RBM46: variants seen among roughly 807,000 people sequenced by gnomAD.
RBM46 encodes the protein RNA binding motif protein 46.
Under a neutral mutation model 43.3 loss-of-function variants are expected in RBM46, and 12 were observed. The observed-to-expected ratio is 0.28, with a 90% confidence interval of 0.18 to 0.45. The LOEUF is 0.45. Among genes scored for constraint, RBM46 ranks in the 20% least tolerant of loss-of-function variants. The pLI, the probability that RBM46 is intolerant of heterozygous loss-of-function variation, is 1.00. For synonymous variants in RBM46, 205 were observed against 207.6 expected, an observed-to-expected ratio of 0.99 and a Z score of 0.11; for missense variants, 412 against 639.1, an observed-to-expected ratio of 0.64 and a Z score of 3.83.
At chr4:154,803,815 A>G (rs1300484615) in intron 4 of RBM46, among the ~76,000 whole-genome samples, 1 of 150,546 alleles carries the variant, frequency 6.6e-6, no homozygotes, top group East Asian at 2.0e-4. Flanking sequence ...ATCCTGATAT[A>G]GTTTGGACAT....
chr4:154,798,293 T>C lies in RBM46; in HGVS notation c.619+15T>C. ...ACTAATTCCAGGTAAACTGAAAGGT[T>C]GTTTTTCAATATTAACATTATTACA... On this transcript the variant is annotated intron_variant, in intron 3 of 4. Coordinates refer to ENST00000281722, the MANE Select transcript of RBM46 (RefSeq NM_144979.5). 6.7e-7 allele frequency: 1 copy of C among 1,482,782 alleles called. No individual in the cohort carries two copies. The highest frequency in any genetic ancestry group is 9.1e-7 in the Non-Finnish European group (1 of 1,093,940). The allele number at this position is 1,482,782 out of a possible 1,614,324, so 91.9% of individuals were successfully genotyped here. A position where few individuals can be genotyped will look rare whatever the true frequency, so the allele number is the denominator to read the frequency against.
intron 4 of RBM46, among the ~76,000 whole-genome samples, chr4:154,802,045 C>T (rs1734662449): frequency 6.6e-6 from 1 of 152,040 alleles, no homozygotes; most frequent in South Asian, 2.1e-4. Context: ...TATTCAGGCT[C>T]AGAACAGTTA....
At chr4:154,794,472 A>G (rs1184293779) in intron 1 of RBM46, among the ~76,000 whole-genome samples, 1 of 152,066 alleles carries the variant, frequency 6.6e-6, no homozygotes, top group Non-Finnish European at 1.5e-5. Context: ...AAGTGGTCTC[A>G]CTGCTTCCAC....
intron 3 of RBM46, 128 bp from the exon 4 acceptor site, chr4:154,798,650 GAAAC>G: frequency 1.5e-6 from 1 of 686,146 alleles, no homozygotes; most frequent in South Asian, 3.9e-5. Flanking sequence ...GTGTGAATAG[GAAAC>G]AAATGCTTAA....
intron 4 of RBM46, among the ~76,000 whole-genome samples, chr4:154,810,971 T>C (rs1323009176): frequency 6.6e-6 from 1 of 152,234 alleles, no homozygotes; most frequent in Non-Finnish European, 1.5e-5. Context: ...TGTTAAATCT[T>C]GTTAAAATGT....
At position 154,827,990 on chromosome 4, in the gene RBM46, TCA is replaced by T; in HGVS notation, c.1527_1528del (p.Pro510AsnfsTer6). ...TTATTCTTATCCAGGCTATCCTTTG[TCA>T]CCAACAATATCACTTGCTAATGGCA... is the stretch of plus-strand genomic sequence containing the variant. ...RPYSYPGYPL[S>X]PTISLANGSH... On this transcript the variant is annotated frameshift_variant, in exon 5 of 5. Transcript: ENST00000281722. LOFTEE classifies it high-confidence loss of function. The T allele has an allele frequency of 6.2e-7, 1 of 1,614,028 alleles. No individual in the cohort carries two copies.
intron 4 of RBM46, 89 bp downstream of exon 4, chr4:154,799,653 A>ATTAG (rs1734522879): frequency 1.1e-6 from 1 of 890,234 alleles, no homozygotes; most frequent in African/African-American, 1.7e-5. Context: ...TGAACTCAAC[A>ATTAG]TTAGTGGTAA....
intron 4 of RBM46, among the ~76,000 whole-genome samples, chr4:154,811,258 G>A (rs1316154380): frequency 6.6e-6 from 1 of 152,124 alleles, no homozygotes; most frequent in Non-Finnish European, 1.5e-5. Flanking sequence ...ATAGCATATA[G>A]GCAACACAGG....
Position 154,798,123 on chromosome 4 carries a change from A to G in RBM46, c.464A>G (p.Glu155Gly), listed in dbSNP as rs1313166746. The change falls in exon 3 of 5, where the codon GAA becomes GGA. Residue 155 changes from glutamate (E) to glycine (G), a missense_variant. This residue lies in a region of RBM46 where 48 missense variants were observed against 78.9 expected (regional missense o/e 0.61). Coordinates refer to ENST00000281722, the MANE Select transcript of RBM46 (RefSeq NM_144979.5). ...IGAIPKEKKK[E>G]EILDEMKKVT... is the part of the protein sequence containing the mutation. ...GCTATTCCCAAGGAAAAGAAGAAAG[A>G]AGAAATTTTAGATGAAATGAAGAAA... 1 of 1,613,970 alleles carries G rather than the reference A, an allele frequency of 6.2e-7. No individual in the cohort carries two copies. The highest frequency in any genetic ancestry group is 8.5e-7 in the Non-Finnish European group (1 of 1,179,886).
At chr4:154,819,874 G>A (rs1282187016) in intron 4 of RBM46, among the ~76,000 whole-genome samples, 2 of 152,018 alleles carry the variant, frequency 1.3e-5, no homozygotes, top group Non-Finnish European at 2.9e-5. Flanking sequence ...TTTAGCTGTT[G>A]GGAAGAAAGA....
intron 4 of RBM46, among the ~76,000 whole-genome samples, chr4:154,805,323 T>C (rs2111161651): frequency 6.6e-6 from 1 of 152,268 alleles, no homozygotes; most frequent in East Asian, 1.9e-4. Context: ...TCTTGATTTG[T>C]GTGGACCATT....
chr4:154,782,374 C>G (rs1022205430), intron 1 of RBM46, among the ~76,000 whole-genome samples: 1 of 152,192 alleles, frequency 6.6e-6, no homozygotes, highest in Non-Finnish European at 1.5e-5. Flanking sequence ...GTTCTTTAAG[C>G]TTTAACTGTC....
chr4:154,805,658 T>A (rs1005565362), intron 4 of RBM46, among the ~76,000 whole-genome samples: 2 of 151,984 alleles, frequency 1.3e-5, no homozygotes, highest in African/African-American at 4.8e-5. Flanking sequence ...TTTTTTCTTA[T>A]GAGCTATTAT....
chr4:154,827,246 T>C (rs1736010926), intron 4 of RBM46: 1 of 923,744 alleles, frequency 1.1e-6, no homozygotes, highest in Middle Eastern at 5.6e-4. Context: ...GAAGTAACTA[T>C]AAGTTGATAA....
chr4:154,827,943 T>G lies in RBM46; in HGVS notation c.1478T>G (p.Val493Gly). ...SATLSSGTPS[V>G]LPYTSRPYSY... Reference sequence around the variant, plus strand: ...ACCCTCTCTTCTGGGACTCCCAGCGTGCTTCCTTATACTTCAAGGCCTTAT... The same window carrying G: ...ACCCTCTCTTCTGGGACTCCCAGCGGGCTTCCTTATACTTCAAGGCCTTAT... The change falls in exon 5 of 5, where the codon GTG becomes GGG. Residue 493 changes from valine to glycine, a missense_variant. Around this residue, in one of 8 missense-constraint regions of RBM46, gnomAD observed 149 missense variants for 156.3 expected, o/e 0.95. Coordinates refer to ENST00000281722, the MANE Select transcript of RBM46 (RefSeq NM_144979.5). The G allele has an allele frequency of 6.2e-7, 1 of 1,613,882 alleles. No homozygotes were observed. Among genetic ancestry groups the G allele is most frequent in the Non-Finnish European group, 8.5e-7 (1 of 1,179,788 alleles).
intron 4 of RBM46, among the ~76,000 whole-genome samples, chr4:154,821,644 C>T (rs1735728090): frequency 6.6e-6 from 1 of 151,596 alleles, no homozygotes; most frequent in Admixed American, 6.6e-5. Flanking sequence ...TTATTCTTGA[C>T]CCTCTTTGTG....
chr4:154,785,799 G>T (rs564378150), intron 1 of RBM46, among the ~76,000 whole-genome samples: 1 of 152,162 alleles, frequency 6.6e-6, no homozygotes, highest in Non-Finnish European at 1.5e-5. Context: ...TCCATGGTTT[G>T]GGCCCTTGGT....
chr4:154,802,683 A>G (rs139873424), intron 4 of RBM46, among the ~76,000 whole-genome samples: 2 of 152,272 alleles, frequency 1.3e-5, no homozygotes, highest in Admixed American at 6.5e-5. Flanking sequence ...TTCCTTACCT[A>G]TTAAGTCATC....
Position 154,799,684 on chromosome 4 carries a change from CTCAATTTTATA to C in RBM46, c.1402+121_1402+131del, listed in dbSNP as rs1734524724. The C allele has an allele frequency of 9.6e-6, 6 of 627,038 alleles. No homozygotes were observed. In the East Asian group the frequency reaches 2.0e-4, roughly 21 times the overall value. The allele number at this position is 627,038 out of a possible 1,614,324, so 38.8% of individuals were successfully genotyped here. On this transcript the variant is annotated intron_variant, in intron 4 of 4. Coordinates refer to ENST00000281722, the MANE Select transcript of RBM46 (RefSeq NM_144979.5). ...GGTAAGTATGTAACATAAATTTTAT[CTCAATTTTATA>C]AAGTCATGATAACTTTCTTGAAACT...
Sources: gnomAD v4.1 joint callset for allele counts (sites outside exome capture counted in the v4.1 genomes callset) on GRCh38, gnomAD v4.1.1 for gene constraint, gnomAD v4.1.1 regional missense constraint, MANE v1.5 for transcripts, NCBI Gene and HGNC (gene_info 2026-07-23, HGNC 2026-07-21) for gene names.